The following IQCJ variants were observed in gnomAD, a reference collection of about 807,000 sequenced individuals.
The protein encoded by IQCJ is IQ motif containing J.
Under a neutral mutation model 11.0 loss-of-function variants are expected in IQCJ, and 9 were observed. The ratio of observed to expected loss-of-function variants is 0.82; its 90% CI spans 0.49 to 1.43. The LOEUF (loss-of-function observed/expected upper bound fraction) is 1.43, where lower values mean the gene tolerates loss of function less well. Among genes scored for constraint, IQCJ ranks in the 40% most tolerant of loss-of-function variants. The pLI is 0.00. For synonymous variants in IQCJ, 55 were observed against 51.3 expected (o/e 1.07, Z -0.31); for missense variants, 146 against 133.2 (o/e 1.10, Z -0.47).
intron 1 of IQCJ, among the ~76,000 whole-genome samples, chr3:159,117,989 G>A (rs1347571402): frequency 3.3e-5 from 5 of 152,118 alleles, no homozygotes; most frequent in Non-Finnish European, 5.9e-5. Flanking sequence ...AAACTGAGGT[G>A]CAAAGTAGTT....
rs1270357817 is a variant in IQCJ, at chr3:159,263,305, AT to A, written c.*579del. 2.3e-6 allele frequency: 1 copy of A among 426,666 alleles called. No individual in the cohort carries two copies. The highest frequency in any genetic ancestry group is 2.2e-5 in the African/African-American group (1 of 46,330). The allele number at this position is 426,666 out of a possible 1,614,324, so 26.4% of individuals were successfully genotyped here. On this transcript the variant is annotated 3_prime_UTR_variant, in exon 4 of 4. Coordinates refer to ENST00000397832, the MANE Select transcript of IQCJ (RefSeq NM_001042706.3). ...TCTTCAGGACATGTCAGAAATCTGC[AT>A]TTTTAAGTGTTAGCAGCCAGTAAGA...
intron 1 of IQCJ, among the ~76,000 whole-genome samples, chr3:159,145,782 A>T (rs1273727425): frequency 6.6e-6 from 1 of 152,182 alleles, no homozygotes; most frequent in African/African-American, 2.4e-5. Context: ...ACTAAATTTA[A>T]CAAATATGTT....
intron 1 of IQCJ, among the ~76,000 whole-genome samples, chr3:159,083,656 A>G (rs972545637): frequency 6.6e-5 from 10 of 152,188 alleles, no homozygotes; most frequent in African/African-American, 1.9e-4. Flanking sequence ...ACAACTGTAC[A>G]CAAATGTACA....
chr3:159,182,654 G>C (rs1723160465), intron 1 of IQCJ, among the ~76,000 whole-genome samples: 1 of 151,948 alleles, frequency 6.6e-6, no homozygotes, highest in Non-Finnish European at 1.5e-5. Context: ...GTACGTGACT[G>C]GGGGCTGCAT....
At chr3:159,180,093 T>G (rs2108012776) in intron 1 of IQCJ, among the ~76,000 whole-genome samples, 1 of 152,304 alleles carries the variant, frequency 6.6e-6, no homozygotes, top group South Asian at 2.1e-4. Context: ...TCGTGGGACC[T>G]GAGGTGGGGT....
intron 3 of IQCJ, among the ~76,000 whole-genome samples, chr3:159,258,690 T>C (rs1004038437): frequency 2.6e-5 from 4 of 152,194 alleles, no homozygotes; most frequent in Admixed American, 6.5e-5. Flanking sequence ...TTTTGAATTT[T>C]TTATAATTGT....
chr3:159,201,804 A>G (rs1004433759), intron 1 of IQCJ, among the ~76,000 whole-genome samples: 3 of 151,040 alleles, frequency 2.0e-5, no homozygotes, highest in Admixed American at 2.0e-4. Context: ...TTTATTGTGG[A>G]TTTGGAAGTT....
chr3:159,127,895 G>C (rs1417127508), intron 1 of IQCJ, among the ~76,000 whole-genome samples: 1 of 152,136 alleles, frequency 6.6e-6, no homozygotes, highest in African/African-American at 2.4e-5. Flanking sequence ...TGTAATAAAT[G>C]CTTCTCATTT....
At chr3:159,119,027 C>T (rs1719195124) in intron 1 of IQCJ, among the ~76,000 whole-genome samples, 2 of 152,150 alleles carry the variant, frequency 1.3e-5, no homozygotes, top group African/African-American at 4.8e-5. Flanking sequence ...TATATTTACT[C>T]ATGCTTTCCA....
intron 1 of IQCJ, among the ~76,000 whole-genome samples, chr3:159,230,802 T>G (rs969108210): frequency 6.6e-6 from 1 of 152,242 alleles, no homozygotes; most frequent in African/African-American, 2.4e-5. Context: ...ATTCACTTTC[T>G]GTCTTATCCA....
chr3:159,143,651 G>A (rs535738369), intron 1 of IQCJ, among the ~76,000 whole-genome samples: 3 of 152,236 alleles, frequency 2.0e-5, no homozygotes, highest in South Asian at 2.1e-4. Context: ...AAGGAGAGAA[G>A]GTCATGAATC....
At chr3:159,261,945 A>G (rs1728234936) in intron 3 of IQCJ, among the ~76,000 whole-genome samples, 1 of 152,206 alleles carries the variant, frequency 6.6e-6, no homozygotes, top group South Asian at 2.1e-4. Flanking sequence ...CTTCCACAGT[A>G]TATAAAACCC....
chr3:159,249,378 T>C (rs764915845), intron 2 of IQCJ, among the ~76,000 whole-genome samples: 1 of 152,190 alleles, frequency 6.6e-6, no homozygotes, highest in Non-Finnish European at 1.5e-5. Context: ...TTTCTGGAAA[T>C]GACCAGTTTG....
intron 1 of IQCJ, among the ~76,000 whole-genome samples, chr3:159,091,881 T>C (rs1717335720): frequency 6.6e-6 from 1 of 151,662 alleles, no homozygotes; most frequent in Non-Finnish European, 1.5e-5. Flanking sequence ...CAGAAAGCTA[T>C]GCTTCATAGA....
chr3:159,181,176 C>A (rs1380402042), intron 1 of IQCJ, among the ~76,000 whole-genome samples: 1 of 151,738 alleles, frequency 6.6e-6, no homozygotes, highest in Non-Finnish European at 1.5e-5. Context: ...TTCAGTCCAC[C>A]TCTTGCTGTT....
At chr3:159,180,885 C>T (rs1300179384) in intron 1 of IQCJ, among the ~76,000 whole-genome samples, 1 of 151,958 alleles carries the variant, frequency 6.6e-6, no homozygotes, top group Non-Finnish European at 1.5e-5. Context: ...AACATTTTGT[C>T]ATCAAGTTAT....
At chr3:159,255,298 C>G (rs1019176063) in intron 3 of IQCJ, among the ~76,000 whole-genome samples, 2 of 152,088 alleles carry the variant, frequency 1.3e-5, no homozygotes, top group African/African-American at 4.8e-5. Context: ...GTAAACAGTT[C>G]CCATACAGGG....
intron 1 of IQCJ, among the ~76,000 whole-genome samples, chr3:159,223,031 A>G (rs950373671): frequency 2.0e-5 from 3 of 152,162 alleles, no homozygotes; most frequent in African/African-American, 4.8e-5. Context: ...ATGGAGCAAC[A>G]TATTTATACT....
At chr3:159,089,486 G>C (rs1717072779) in intron 1 of IQCJ, among the ~76,000 whole-genome samples, 1 of 151,920 alleles carries the variant, frequency 6.6e-6, no homozygotes, top group Non-Finnish European at 1.5e-5. Flanking sequence ...GATTGGGGAA[G>C]TTCTCCTGGA....
Sources: allele counts gnomAD v4.1 joint callset (sites outside exome capture counted in the v4.1 genomes callset), GRCh38; gene constraint gnomAD v4.1.1; transcripts MANE v1.5; gene names NCBI Gene and HGNC (gene_info 2026-07-23, HGNC 2026-07-21).